TAF8: variants seen among roughly 807,000 people sequenced by gnomAD.
TAF8 encodes the protein TATA-box binding protein associated factor 8.
TAF8 carries 47 observed loss-of-function variants against 36.5 expected under a neutral mutation model. That is an observed-to-expected ratio of 1.29 (90% CI 1.02 to 1.64). The LOEUF is 1.64. Ranked by LOEUF, TAF8 falls within the 40% of genes most tolerant of loss-of-function variation. The pLI, the probability that TAF8 is intolerant of heterozygous loss-of-function variation, is 0.00. For synonymous variants in TAF8, 175 were observed against 159.5 expected, an observed-to-expected ratio of 1.10 and a Z score of -0.73; for missense variants, 420 against 407.6, an observed-to-expected ratio of 1.03 and a Z score of -0.26.
At chr6:42,077,474 C>G in intron 8 of TAF8, 59 bp from the exon 9 acceptor site, 1 of 1,602,972 alleles carries the variant, frequency 6.2e-7, no homozygotes, top group East Asian at 2.2e-5. Context: ...CAGTTTTCCC[C>G]TAGAAGGAGA....
intron 5 of TAF8, among the ~76,000 whole-genome samples, chr6:42,065,438 C>T (rs777202482): frequency 6.6e-6 from 1 of 152,202 alleles, no homozygotes; most frequent in Non-Finnish European, 1.5e-5. Flanking sequence ...CCAGCAAGCT[C>T]ATAATTAGGA....
At chr6:42,053,560 C>T (rs573999386) in intron 2 of TAF8, among the ~76,000 whole-genome samples, 6 of 125,176 alleles carry the variant, frequency 4.8e-5, no homozygotes, top group South Asian at 6.7e-4. Flanking sequence ...AGCGAAACTC[C>T]GTCTCAAAAA....
intron 4 of TAF8, 113 bp from the exon 5 acceptor site, chr6:42,057,276 T>G: frequency 6.9e-7 from 1 of 1,458,780 alleles, no homozygotes; most frequent in East Asian, 2.3e-5. Flanking sequence ...GCAACTTGTT[T>G]AGAAAATTGA....
In TAF8 at chr6:42,066,473, C is replaced by A; in HGVS notation, c.637+14C>A. 6.2e-7 allele frequency: 1 copy of A among 1,613,724 alleles called. No homozygotes were observed. Among genetic ancestry groups the A allele is most frequent in the Non-Finnish European group, 8.5e-7 (1 of 1,179,674 alleles). On this transcript the variant is annotated intron_variant, in intron 6 of 8. Coordinates refer to ENST00000372977, the MANE Select transcript of TAF8 (RefSeq NM_138572.3). ...GCACATTTCCATGTGAGAGTTGCCC[C>A]ACTGTGTGGACCCTGTCTTATTTGA... is the stretch of plus-strand genomic sequence containing the variant.
intron 5 of TAF8, among the ~76,000 whole-genome samples, chr6:42,061,097 A>T (rs1210635730): frequency 2.0e-5 from 3 of 152,190 alleles, no homozygotes; most frequent in Non-Finnish European, 4.4e-5. Context: ...CTGCACTTAG[A>T]GTCCTATATT....
intron 7 of TAF8, among the ~76,000 whole-genome samples, chr6:42,075,526 G>A (rs9394860): frequency 0.069 from 10,442 of 152,324 alleles, 476 homozygotes; most frequent in Admixed American, 0.11. Flanking sequence ...CAGCTGTCCT[G>A]TCAGGGGAAC....
At chr6:42,076,519 G>C (rs1189774681) in intron 7 of TAF8, among the ~76,000 whole-genome samples, 1 of 152,230 alleles carries the variant, frequency 6.6e-6, no homozygotes, top group African/African-American at 2.4e-5. Flanking sequence ...GCATGTGCTG[G>C]TACCTGCTGG....
Position 42,052,317 on chromosome 6 carries a change from G to GCCC in TAF8, c.202+813_202+815dup, listed in dbSNP as rs59000289. Among the ~76,000 whole-genome samples, 123 of 138,584 alleles carry GCCC rather than the reference G, an allele frequency of 8.9e-4. 3 individuals carry two copies. Among genetic ancestry groups the GCCC allele is most frequent in the African/African-American group, 3.3e-3 (119 of 35,894 alleles). 90.9% of individuals were successfully genotyped at this position (138,584 alleles called of 152,430 possible). On this transcript the variant is annotated intron_variant, in intron 2 of 8. Coordinates refer to ENST00000372977, the MANE Select transcript of TAF8 (RefSeq NM_138572.3). ...GTGATACAAAGAATGAAGGGGAAAA[G>GCCC]CCCCCCCCCCCTTTTTTTTTTTGAG...
Position 42,064,892 on chromosome 6 carries a change from G to T in TAF8, c.490-1420G>T, listed in dbSNP as rs1369463661. 5.9e-4 allele frequency among the ~76,000 whole-genome samples: 6 copies of T among 10,154 alleles called. 1 individual carries two copies. Among genetic ancestry groups the T allele is most frequent in the South Asian group, 5.4e-3 (4 of 746 alleles). 6.7% of individuals were successfully genotyped at this position (10,154 alleles called of 152,430 possible). A position where few individuals can be genotyped will look rare whatever the true frequency, so the allele number is the denominator to read the frequency against. Reference sequence around the variant, plus strand: ...GAATGGCATGCACCCGGGGGGCGGAGCTTGCAGTGAGCAGAGATCCCGCCA... The same window carrying T: ...GAATGGCATGCACCCGGGGGGCGGATCTTGCAGTGAGCAGAGATCCCGCCA... On this transcript the variant is annotated intron_variant, in intron 5 of 8. Transcript: ENST00000372977.
chr6:42,079,328 G>A lies in TAF8; in HGVS notation c.*1783G>A. On this transcript the variant is annotated 3_prime_UTR_variant, in exon 9 of 9. Transcript: ENST00000372977. ...CTGTCCAACCAATTTGTATCCTGTG[G>A]GGAGAACAACTTCATTCTTAACATA... is the stretch of plus-strand genomic sequence containing the variant. 2.0e-6 allele frequency: 2 copies of A among 985,350 alleles called. No individual in the cohort carries two copies. The highest frequency in any genetic ancestry group is 2.4e-6 in the Non-Finnish European group (2 of 829,902). The allele number at this position is 985,350 out of a possible 1,614,324, so 61.0% of individuals were successfully genotyped here. A position where few individuals can be genotyped will look rare whatever the true frequency, so the allele number is the denominator to read the frequency against.
chr6:42,055,757 T>A (rs1764962177), intron 3 of TAF8, 128 bp downstream of exon 3: 1 of 815,864 alleles, frequency 1.2e-6, no homozygotes, highest in Non-Finnish European at 2.0e-6. Context: ...CTTGAGAGAG[T>A]TATCAAGAGA....
At chr6:42,052,708 T>A (rs1764839219) in intron 2 of TAF8, among the ~76,000 whole-genome samples, 2 of 152,178 alleles carry the variant, frequency 1.3e-5, no homozygotes, top group Non-Finnish European at 2.9e-5. Context: ...ACAACATATT[T>A]CCCTGTTTTG....
intron 7 of TAF8, among the ~76,000 whole-genome samples, 182 bp downstream of exon 7, chr6:42,068,789 C>T (rs1036683838): frequency 2.6e-5 from 4 of 152,164 alleles, no homozygotes; most frequent in African/African-American, 7.2e-5. Flanking sequence ...GAGACACATC[C>T]GTGTCCTGGG....
chr6:42,051,034 T>C, intron 1 of TAF8: 2 of 1,084,060 alleles, frequency 1.8e-6, no homozygotes, highest in Non-Finnish European at 2.2e-6. Context: ...TCCTGTTTTT[T>C]CTGCGGGACA....
downstream of TAF8, chr6:42,086,656 C>G: frequency 6.5e-7 from 1 of 1,528,998 alleles, no homozygotes; most frequent in East Asian, 2.5e-5. Context: ...CCTCTTCCAC[C>G]ACCCTCTCCT....
chr6:42,056,966 A>G lies in TAF8; in HGVS notation c.365-423A>G, dbSNP rs532701241. On this transcript the variant is annotated intron_variant, in intron 4 of 8. Transcript: ENST00000372977. Reference sequence around the variant, plus strand: ...GCATTTTTTTAAAAACTCCCTCTCAACATAGCAGTGGAAGGTGCCATTTTC... The same window carrying G: ...GCATTTTTTTAAAAACTCCCTCTCAGCATAGCAGTGGAAGGTGCCATTTTC... Among the ~76,000 whole-genome samples, 6 of 152,306 alleles carry G rather than the reference A, an allele frequency of 3.9e-5. No individual in the cohort carries two copies. The East Asian group carries it at 1.2e-3, about 29-fold the overall frequency.
rs558958935 is a variant in TAF8, at chr6:42,063,956, T to C, written c.490-2356T>C. On this transcript the variant is annotated intron_variant, in intron 5 of 8. Coordinates refer to ENST00000372977, the MANE Select transcript of TAF8 (RefSeq NM_138572.3). ...GTTTAATACTTGATGGAATAGTAAG[T>C]TGGAGGTCAGAATCTAAGATTAGTT... 1.2e-4 allele frequency among the ~76,000 whole-genome samples: 18 copies of C among 152,290 alleles called. 1 individual carries two copies. Among genetic ancestry groups the C allele is most frequent in the African/African-American group, 3.9e-4 (16 of 41,556 alleles).
downstream of TAF8, chr6:42,086,869 T>C: frequency 2.0e-6 from 2 of 1,011,598 alleles, no homozygotes; most frequent in East Asian, 2.6e-5. Flanking sequence ...CCCTTGCTGG[T>C]GCAGATGCTA....
Position 42,050,591 on chromosome 6 carries a change from G to T in TAF8, c.45+5G>T, listed in dbSNP as rs756688392. On this transcript the variant is annotated splice_donor_5th_base_variant and intron_variant, in intron 1 of 8. Transcript: ENST00000372977. ...GGGGCCGGTGGCTCCGGAACGGTAA[G>T]GGCAGGAAGCGCGGGCTCGGAGCCG... 1 of 1,551,014 alleles carries T rather than the reference G, an allele frequency of 6.4e-7. No individual in the cohort carries two copies. The highest frequency in any genetic ancestry group is 8.7e-7 in the Non-Finnish European group (1 of 1,148,514).
Sources: allele counts gnomAD v4.1 joint callset (sites outside exome capture counted in the v4.1 genomes callset), GRCh38; gene constraint gnomAD v4.1.1; transcripts MANE v1.5; gene names NCBI Gene and HGNC (gene_info 2026-07-23, HGNC 2026-07-21).